Variants in PTCHD4 observed in about 807,000 individuals in gnomAD.
The protein encoded by PTCHD4 is patched domain containing 4, also known as patched domain-containing protein 4.
Under a neutral mutation model 58.1 loss-of-function variants are expected in PTCHD4, and 33 were observed. The ratio of observed to expected loss-of-function variants is 0.57; its 90% CI spans 0.43 to 0.76. The LOEUF (loss-of-function observed/expected upper bound fraction) is 0.76, where lower values mean the gene tolerates loss of function less well. Ranked by LOEUF, PTCHD4 falls within the 30% of genes least tolerant of loss-of-function variation. The pLI, the probability that PTCHD4 is intolerant of heterozygous loss-of-function variation, is 0.00. For synonymous variants in PTCHD4, 478 were observed against 409.6 expected (o/e 1.17, Z -2.02); for missense variants, 1,058 against 1,027.1 (o/e 1.03, Z -0.41).
At position 47,867,249 on chromosome 6, in the gene PTCHD4, T is replaced by A. The variant is rs1057344205; in HGVS notation, c.*11054A>T. Reference sequence around the variant, plus strand: ...TCTCTTACTCTCACACTTTGAGGGCTTTTGTGCCAGAACGTGGACGGTGTT... The same window carrying A: ...TCTCTTACTCTCACACTTTGAGGGCATTTGTGCCAGAACGTGGACGGTGTT... On this transcript the variant is annotated 3_prime_UTR_variant, in exon 5 of 5. Transcript: ENST00000339488. Among the ~76,000 whole-genome samples, 7 of 151,786 alleles carry A rather than the reference T, an allele frequency of 4.6e-5. No homozygotes were observed. The highest frequency in any genetic ancestry group is 1.7e-4 in the African/African-American group (7 of 41,384).
chr6:47,874,378 A>G lies in PTCHD4; in HGVS notation c.*3925T>C, dbSNP rs1763793115. On this transcript the variant is annotated 3_prime_UTR_variant, in exon 5 of 5. Coordinates refer to ENST00000339488, the MANE Select transcript of PTCHD4 (RefSeq NM_001384253.1). ...AATAACCCTGAAAATAGTGTCTTTA[A>G]TAACCTATGTACTATTAATAACAAA... Among the ~76,000 whole-genome samples, 2 of 151,798 alleles carry G rather than the reference A, an allele frequency of 1.3e-5. No homozygotes were observed. The highest frequency in any genetic ancestry group is 4.8e-5 in the African/African-American group (2 of 41,404).
chr6:48,075,367 A>G (rs1203755776), intron 1 of PTCHD4, among the ~76,000 whole-genome samples: 1 of 152,084 alleles, frequency 6.6e-6, no homozygotes, highest in East Asian at 1.9e-4. Context: ...AATTTTCCCC[A>G]GAGGTAGTAT....
chr6:47,922,435 G>GC (rs1240398006), intron 4 of PTCHD4, among the ~76,000 whole-genome samples: 1 of 152,048 alleles, frequency 6.6e-6, no homozygotes, highest in Non-Finnish European at 1.5e-5. Flanking sequence ...TCCTTTACCA[G>GC]CCCCCCTGCC....
At chr6:48,106,296 CATACGAAAATCA>C in intron 1 of PTCHD4, among the ~76,000 whole-genome samples, 2 of 152,266 alleles carry the variant, frequency 1.3e-5, no homozygotes, top group Admixed American at 1.3e-4. Flanking sequence ...CCTGGTTCAA[CATACGAAAATCA>C]ATAGACGTAA....
At chr6:47,898,910 A>T (rs1286866378) in intron 4 of PTCHD4, among the ~76,000 whole-genome samples, 1 of 152,208 alleles carries the variant, frequency 6.6e-6, no homozygotes, top group Non-Finnish European at 1.5e-5. Flanking sequence ...TAGGTGTCAG[A>T]TTCCCTCTGT....
chr6:48,009,896 G>A (rs1762606136), intron 3 of PTCHD4, among the ~76,000 whole-genome samples: 1 of 152,166 alleles, frequency 6.6e-6, no homozygotes, highest in Non-Finnish European at 1.5e-5. Context: ...ACATGAGGTA[G>A]AGTAGGCAAG....
At chr6:48,034,643 G>T (rs1389955906) in intron 3 of PTCHD4, among the ~76,000 whole-genome samples, 1 of 152,022 alleles carries the variant, frequency 6.6e-6, no homozygotes, top group Non-Finnish European at 1.5e-5. Context: ...GTTTTAATTT[G>T]TTTCACTGCT....
intron 4 of PTCHD4, among the ~76,000 whole-genome samples, chr6:47,911,887 G>A (rs552811053): frequency 1.3e-5 from 2 of 152,114 alleles, no homozygotes; most frequent in South Asian, 4.1e-4. Context: ...AGAGACCCTT[G>A]GACTAAACCT....
intron 4 of PTCHD4, among the ~76,000 whole-genome samples, chr6:47,903,111 C>T (rs1581852906): frequency 6.6e-6 from 1 of 152,032 alleles, no homozygotes; most frequent in African/African-American, 2.4e-5. Flanking sequence ...AAAGAAGTGG[C>T]CAAAATGCAA....
At chr6:48,010,129 A>G (rs950077746) in intron 3 of PTCHD4, among the ~76,000 whole-genome samples, 1 of 152,226 alleles carries the variant, frequency 6.6e-6, no homozygotes, top group African/African-American at 2.4e-5. Context: ...TTCTCAGAAT[A>G]CTGAAGCTAG....
At chr6:47,984,075 A>G (rs1767980189) in intron 4 of PTCHD4, among the ~76,000 whole-genome samples, 1 of 152,200 alleles carries the variant, frequency 6.6e-6, no homozygotes, top group South Asian at 2.1e-4. Context: ...TGCATTAGTA[A>G]TGCTTCTATA....
Position 48,000,086 on chromosome 6 carries a change from T to G in PTCHD4, c.898+8548A>C, listed in dbSNP as rs10456572. Among the ~76,000 whole-genome samples the G allele has an allele frequency of 2.9e-3, 438 of 152,232 alleles. 1 individual carries two copies. The highest frequency in any genetic ancestry group is 0.01 in the African/African-American group (418 of 41,554). On this transcript the variant is annotated intron_variant, in intron 4 of 4. Transcript: ENST00000339488. ...TTCTCTATTTTCTCTTTTGCCTGCA[T>G]GGCCTTGAGCACAAACTCTGAGGAT...
intron 3 of PTCHD4, among the ~76,000 whole-genome samples, chr6:48,013,222 T>G (rs1045713949): frequency 1.3e-5 from 2 of 152,056 alleles, no homozygotes; most frequent in African/African-American, 4.8e-5. Flanking sequence ...TTTGTTGTTG[T>G]TGGTAGGCTC....
chr6:47,981,972 C>T (rs1343552967), intron 4 of PTCHD4, among the ~76,000 whole-genome samples: 2 of 152,114 alleles, frequency 1.3e-5, no homozygotes, highest in East Asian at 1.9e-4. Flanking sequence ...TGGGACATTC[C>T]TCTGACTCTC....
At chr6:48,082,769 A>T (rs1765190587) in intron 1 of PTCHD4, among the ~76,000 whole-genome samples, 1 of 152,164 alleles carries the variant, frequency 6.6e-6, no homozygotes, top group Non-Finnish European at 1.5e-5. Context: ...AAAAATAACT[A>T]GAGTTCTCCT....
At chr6:48,002,896 C>G (rs1768791090) in intron 4 of PTCHD4, among the ~76,000 whole-genome samples, 1 of 152,138 alleles carries the variant, frequency 6.6e-6, no homozygotes, top group Non-Finnish European at 1.5e-5. Flanking sequence ...CCAATGACTT[C>G]TATATTGCTA....
intron 3 of PTCHD4, among the ~76,000 whole-genome samples, chr6:48,028,873 T>G (rs562066871): frequency 6.6e-4 from 101 of 152,206 alleles, no homozygotes; most frequent in African/African-American, 2.4e-3. Flanking sequence ...TTGAGATTTC[T>G]CAGGTGGCCC....
At position 47,863,074 on chromosome 6, in the gene PTCHD4, T is replaced by C. The variant is rs1378396849; in HGVS notation, c.*15229A>G. 6.6e-6 allele frequency among the ~76,000 whole-genome samples: 1 copy of C among 151,910 alleles called. No homozygotes were observed. ...GGAACAAAAAGATCTTCAAATTCTC[T>C]GGGCATTCATTGTACTTAACTTTTT... On this transcript the variant is annotated 3_prime_UTR_variant, in exon 5 of 5. Transcript: ENST00000339488.
chr6:48,067,834 A>C (rs332577), intron 3 of PTCHD4, among the ~76,000 whole-genome samples: 23,673 of 145,362 alleles, frequency 0.16, 1,876 homozygotes, highest in African/African-American at 0.21. Context: ...TTTTTTTTTT[A>C]TTTTTGGTAT....
Sources: allele counts gnomAD v4.1 joint callset (sites outside exome capture counted in the v4.1 genomes callset), GRCh38; gene constraint gnomAD v4.1.1; transcripts MANE v1.5; gene names NCBI Gene and HGNC (gene_info 2026-07-23, HGNC 2026-07-21).